The following STAU2 variants were observed in gnomAD, a reference collection of about 807,000 sequenced individuals.
The protein encoded by STAU2 is staufen double-stranded RNA binding protein 2.
In STAU2, 20 loss-of-function variants were observed where a neutral mutation model predicts 65.9. That is an observed-to-expected ratio of 0.30 (90% CI 0.21 to 0.44). The LOEUF (loss-of-function observed/expected upper bound fraction) is 0.44. STAU2 is among the 20% of genes least tolerant of loss of function. The probability of loss-of-function intolerance (pLI) is 1.00; values close to 1 mark genes in which losing one functional copy is unlikely to be tolerated. For missense variants in STAU2, 558 were observed against 683.9 expected (o/e 0.82, Z 2.05); for synonymous variants, 232 against 233.9 (o/e 0.99, Z 0.07).
intron 13 of STAU2, among the ~76,000 whole-genome samples, chr8:73,486,037 C>T (rs563064840): frequency 6.6e-6 from 1 of 152,216 alleles, no homozygotes; most frequent in East Asian, 1.9e-4. Flanking sequence ...GTCTTGGCTT[C>T]TTCTCTTAAG....
chr8:73,426,436 C>A (rs970148897), intron 13 of STAU2, among the ~76,000 whole-genome samples: 1 of 152,102 alleles, frequency 6.6e-6, no homozygotes, highest in Admixed American at 6.6e-5. Context: ...ATTTTGTATC[C>A]TTTAATAAAT....
intron 13 of STAU2, among the ~76,000 whole-genome samples, chr8:73,423,825 G>A (rs1229069849): frequency 3.3e-5 from 5 of 152,084 alleles, no homozygotes; most frequent in African/African-American, 4.8e-5. Context: ...CCCTAAATAC[G>A]GTTTCCCCAA....
chr8:73,601,442 A>G (rs891186494), intron 10 of STAU2, among the ~76,000 whole-genome samples: 1 of 152,180 alleles, frequency 6.6e-6, no homozygotes, highest in Admixed American at 6.5e-5. Flanking sequence ...TCTTTCGTTT[A>G]TCTAGTAATC....
intron 13 of STAU2, among the ~76,000 whole-genome samples, chr8:73,505,286 A>G (rs1279402916): frequency 6.6e-6 from 1 of 152,096 alleles, no homozygotes; most frequent in Non-Finnish European, 1.5e-5. Flanking sequence ...AAAAGGAACA[A>G]TCAGAAGTCA....
At chr8:73,679,358 C>A (rs1001553157) in intron 5 of STAU2, among the ~76,000 whole-genome samples, 1 of 152,162 alleles carries the variant, frequency 6.6e-6, no homozygotes, top group Non-Finnish European at 1.5e-5. Context: ...AGAACCACCA[C>A]AAGAACATAC....
chr8:73,635,566 C>T (rs549893023), intron 6 of STAU2, among the ~76,000 whole-genome samples: 4 of 152,226 alleles, frequency 2.6e-5, no homozygotes, highest in African/African-American at 9.6e-5. Flanking sequence ...GTGGCTCATG[C>T]CTGTAATCCC....
chr8:73,730,493 G>A (rs1317591242), intron 3 of STAU2, among the ~76,000 whole-genome samples: 3 of 152,074 alleles, frequency 2.0e-5, no homozygotes, highest in Non-Finnish European at 4.4e-5. Flanking sequence ...TTGGGAGGCC[G>A]AGGAGGGTGG....
At chr8:73,658,934 C>CAACAACAA (rs1816598555) in intron 6 of STAU2, among the ~76,000 whole-genome samples, 14 of 96,794 alleles carry the variant, frequency 1.4e-4, no homozygotes, top group Middle Eastern at 6.2e-3. Context: ...ACAACAACAA[C>CAACAACAA]AAAAACAACA....
At chr8:73,598,303 C>T (rs181847280) in intron 10 of STAU2, among the ~76,000 whole-genome samples, 2,324 of 149,928 alleles carry the variant, frequency 0.016, 24 homozygotes, top group Non-Finnish European at 0.024. Context: ...TCTCGGCTCA[C>T]TGCAACCTCC....
intron 13 of STAU2, among the ~76,000 whole-genome samples, chr8:73,425,317 C>T (rs73318737): frequency 0.04 from 6,106 of 152,202 alleles, 283 homozygotes; most frequent in Admixed American, 0.13. Context: ...GGAACACAGA[C>T]CCACACAGGG....
chr8:73,706,745 G>T (rs893679325), intron 4 of STAU2, among the ~76,000 whole-genome samples: 1 of 152,098 alleles, frequency 6.6e-6, no homozygotes, highest in Admixed American at 6.6e-5. Flanking sequence ...TGGCAAAAGG[G>T]ATCTCCAAAT....
Position 73,739,316 on chromosome 8 carries a change from T to C in STAU2, c.-84+440A>G, listed in dbSNP as rs180704344. Among the ~76,000 whole-genome samples the C allele has an allele frequency of 5.3e-5, 8 of 151,496 alleles. 1 individual carries two copies. The East Asian group carries it at 1.4e-3, about 26-fold the overall frequency. On this transcript the variant is annotated intron_variant, in intron 2 of 14. Coordinates refer to ENST00000524300, the MANE Select transcript of STAU2 (RefSeq NM_001164380.2). ...GTCCAAATTACAAATAAATAAATCA[T>C]GGGATCTTGTAATGAAAAAAAGTTT...
chr8:73,540,212 C>T (rs1419439915), intron 13 of STAU2, among the ~76,000 whole-genome samples: 2 of 152,092 alleles, frequency 1.3e-5, no homozygotes, highest in African/African-American at 4.8e-5. Context: ...TTTGGGTAGA[C>T]TCGAAATCTA....
intron 13 of STAU2, among the ~76,000 whole-genome samples, chr8:73,499,685 A>G (rs1274217213): frequency 1.3e-5 from 2 of 151,836 alleles, no homozygotes; most frequent in Non-Finnish European, 2.9e-5. Context: ...GCAGTTGAGG[A>G]AAGGAAGAAA....
chr8:73,609,289 A>C (rs891819141), intron 9 of STAU2, among the ~76,000 whole-genome samples: 1 of 152,168 alleles, frequency 6.6e-6, no homozygotes, highest in African/African-American at 2.4e-5. Flanking sequence ...AAGGGAAAGG[A>C]AAGAGCAAAG....
chr8:73,547,868 T>C (rs941581480), intron 13 of STAU2, among the ~76,000 whole-genome samples: 2 of 151,878 alleles, frequency 1.3e-5, no homozygotes, highest in Non-Finnish European at 2.9e-5. Flanking sequence ...TCCATATCCA[T>C]GGGCTATGCA....
chr8:73,422,779 T>TAGAAAGAC (rs60338415), intron 13 of STAU2, 77 bp from the exon 14 acceptor site: 373,270 of 956,140 alleles, frequency 0.39, 80,007 homozygotes, highest in Admixed American at 0.53. Context: ...AAAGCTGAGA[T>TAGAAAGAC]AGAAAGACTC....
intron 13 of STAU2, among the ~76,000 whole-genome samples, chr8:73,534,490 C>A (rs905138422): frequency 3.3e-5 from 5 of 152,210 alleles, no homozygotes; most frequent in Middle Eastern, 6.8e-3. Flanking sequence ...GTCAACAGTA[C>A]AAATCTACAT....
chr8:73,582,278 CAA>C (rs550938845), intron 12 of STAU2, among the ~76,000 whole-genome samples: 2 of 151,286 alleles, frequency 1.3e-5, no homozygotes, highest in East Asian at 3.9e-4. Context: ...CAGCAAAACG[CAA>C]AAAATGCTTA....
Sources: gnomAD v4.1 joint callset for allele counts (sites outside exome capture counted in the v4.1 genomes callset) on GRCh38, gnomAD v4.1.1 for gene constraint, MANE v1.5 for transcripts, NCBI Gene and HGNC (gene_info 2026-07-23, HGNC 2026-07-21) for gene names.